The following GRID1 variants were observed in gnomAD, a reference collection of about 807,000 sequenced individuals.
The protein encoded by GRID1 is glutamate receptor ionotropic, delta-1.
Under a neutral mutation model 98.0 loss-of-function variants are expected in GRID1, and 28 were observed. The observed-to-expected ratio is 0.29, with a 90% CI of 0.21 to 0.39. The LOEUF is 0.39. Among genes scored for constraint, GRID1 ranks in the 10% least tolerant of loss-of-function variants. GRID1 has a pLI of 1.00. For missense variants in GRID1, 1,111 were observed against 1,340.5 expected, an observed-to-expected ratio of 0.83 and a Z score of 2.67; for synonymous variants, 553 against 538.5, an observed-to-expected ratio of 1.03 and a Z score of -0.37.
intron 2 of GRID1, among the ~76,000 whole-genome samples, chr10:86,240,466 G>T (rs571285396): frequency 6.6e-6 from 1 of 152,284 alleles, no homozygotes; most frequent in South Asian, 2.1e-4. Context: ...GGAGGGCCAG[G>T]GGCACTGAGA....
At chr10:85,695,570 A>T (rs2132616043) in intron 12 of GRID1, among the ~76,000 whole-genome samples, 1 of 152,334 alleles carries the variant, frequency 6.6e-6, no homozygotes, top group South Asian at 2.1e-4. Flanking sequence ...CATTTCACAC[A>T]ATTCTAATGG....
chr10:85,933,029 G>A lies in GRID1; in HGVS notation c.727-16790C>T, dbSNP rs1008120103. 7.2e-5 allele frequency among the ~76,000 whole-genome samples: 11 copies of A among 152,244 alleles called. 1 individual carries two copies. Among genetic ancestry groups the A allele is most frequent in the African/African-American group, 2.4e-4 (10 of 41,530 alleles). On this transcript the variant is annotated intron_variant, in intron 4 of 15. Coordinates refer to ENST00000327946, the MANE Select transcript of GRID1 (RefSeq NM_017551.3). ...TCCCAATGCAACAGAGTTGAGAGTG[G>A]GGTCTAATAGAAGGTGTTTGTGTCA...
At chr10:85,903,592 A>G (rs1841419504) in intron 5 of GRID1, among the ~76,000 whole-genome samples, 1 of 152,192 alleles carries the variant, frequency 6.6e-6, no homozygotes, top group East Asian at 1.9e-4. Flanking sequence ...TATATTGCCC[A>G]TCTTTTGCTC....
At chr10:86,107,216 C>T (rs906539243) in intron 4 of GRID1, among the ~76,000 whole-genome samples, 2 of 152,216 alleles carry the variant, frequency 1.3e-5, no homozygotes, top group African/African-American at 4.8e-5. Flanking sequence ...TATCCAGGTG[C>T]CTTCTTCTCA....
At chr10:86,162,865 T>C (rs1375785850) in intron 3 of GRID1, among the ~76,000 whole-genome samples, 1 of 151,864 alleles carries the variant, frequency 6.6e-6, no homozygotes, top group Non-Finnish European at 1.5e-5. Flanking sequence ...GCGAACAGAG[T>C]CCTGGGGTTG....
At chr10:86,099,503 T>C (rs1269086003) in intron 4 of GRID1, among the ~76,000 whole-genome samples, 3 of 151,584 alleles carry the variant, frequency 2.0e-5, no homozygotes, top group South Asian at 4.2e-4. Flanking sequence ...CCCTTGTCCC[T>C]TCACCAGGGC....
Position 85,821,396 on chromosome 10 carries a change from A to C in GRID1, c.1233+33100T>G, listed in dbSNP as rs186991134. The stretch of plus-strand genomic sequence containing the variant: ...GCTGGGCATGGTGGCAGGTGCGTGT[A>C]ATCCCAGCTACTCAGGAGGCTGAGG... On this transcript the variant is annotated intron_variant, in intron 8 of 15. Coordinates refer to ENST00000327946, the MANE Select transcript of GRID1 (RefSeq NM_017551.3). Among the ~76,000 whole-genome samples the C allele has an allele frequency of 1.5e-3, 231 of 151,698 alleles. 3 individuals are homozygous for C. Among genetic ancestry groups the C allele is most frequent in the Middle Eastern group, 0.01 (3 of 292 alleles).
At chr10:85,936,603 T>C (rs1841930419) in intron 4 of GRID1, among the ~76,000 whole-genome samples, 1 of 152,158 alleles carries the variant, frequency 6.6e-6, no homozygotes, top group African/African-American at 2.4e-5. Flanking sequence ...TTGAGGGTCA[T>C]GCATTCTATC....
At chr10:86,087,705 C>T (rs1246668471) in intron 4 of GRID1, among the ~76,000 whole-genome samples, 1 of 151,630 alleles carries the variant, frequency 6.6e-6, no homozygotes, top group Non-Finnish European at 1.5e-5. Flanking sequence ...ACACAATCTC[C>T]CAGTATCACA....
intron 12 of GRID1, among the ~76,000 whole-genome samples, chr10:85,695,905 T>C (rs762323607): frequency 1.3e-5 from 2 of 152,156 alleles, no homozygotes; most frequent in Admixed American, 1.3e-4. Context: ...CTAGCTATTA[T>C]GGACACAGCT....
At chr10:86,289,787 G>A (rs971809937) in intron 2 of GRID1, among the ~76,000 whole-genome samples, 3 of 152,142 alleles carry the variant, frequency 2.0e-5, no homozygotes, top group African/African-American at 7.2e-5. Context: ...TTGGTTCAGG[G>A]ATGGGCAGCC....
intron 4 of GRID1, among the ~76,000 whole-genome samples, chr10:85,935,997 T>C (rs1180250135): frequency 6.6e-6 from 1 of 152,076 alleles, no homozygotes; most frequent in Non-Finnish European, 1.5e-5. Context: ...AATACAAACA[T>C]AACTGATATC....
chr10:86,117,605 C>T (rs1207340421), intron 4 of GRID1, among the ~76,000 whole-genome samples: 1 of 151,214 alleles, frequency 6.6e-6, no homozygotes, highest in African/African-American at 2.4e-5. Context: ...ATTATCATCA[C>T]CACTATCACC....
At chr10:86,066,751 A>G (rs186250535) in intron 4 of GRID1, among the ~76,000 whole-genome samples, 201 of 152,288 alleles carry the variant, frequency 1.3e-3, no homozygotes, top group African/African-American at 4.6e-3. Flanking sequence ...CTAAGTTAGG[A>G]GGCTCTGTGT....
chr10:86,175,064 C>T (rs1167205554), intron 3 of GRID1, among the ~76,000 whole-genome samples: 2 of 152,174 alleles, frequency 1.3e-5, no homozygotes, highest in African/African-American at 2.4e-5. Context: ...CTAGCTCAGT[C>T]TTCTTTTCTC....
intron 8 of GRID1, among the ~76,000 whole-genome samples, chr10:85,771,930 A>C (rs1411342430): frequency 6.6e-6 from 1 of 152,190 alleles, no homozygotes; most frequent in African/African-American, 2.4e-5. Flanking sequence ...GAAAGTTAAC[A>C]AGGATACCCA....
chr10:85,847,509 G>A (rs1368264764), intron 8 of GRID1, among the ~76,000 whole-genome samples: 2 of 152,040 alleles, frequency 1.3e-5, no homozygotes, highest in Non-Finnish European at 2.9e-5. Flanking sequence ...AGAGAAAAAA[G>A]AAAAATGATT....
At chr10:85,926,457 C>G (rs1841775588) in intron 4 of GRID1, among the ~76,000 whole-genome samples, 1 of 152,148 alleles carries the variant, frequency 6.6e-6, no homozygotes, top group Non-Finnish European at 1.5e-5. Context: ...TCTCCAAGCA[C>G]AAAGCCCCCA....
intron 3 of GRID1, among the ~76,000 whole-genome samples, chr10:86,158,447 G>A (rs1427411033): frequency 1.3e-5 from 2 of 152,170 alleles, no homozygotes; most frequent in Non-Finnish European, 2.9e-5. Flanking sequence ...CAGCTGATGT[G>A]CCACTTACCT....
Sources: allele counts gnomAD v4.1 joint callset (sites outside exome capture counted in the v4.1 genomes callset), GRCh38; gene constraint gnomAD v4.1.1; transcripts MANE v1.5; gene names NCBI Gene and HGNC (gene_info 2026-07-23, HGNC 2026-07-21).